The following FAF1 variants were observed in gnomAD, a reference collection of about 807,000 sequenced individuals.
FAF1 encodes the protein Fas associated factor 1.
In FAF1, 25 loss-of-function variants were observed where a neutral mutation model predicts 92.5. The ratio of observed to expected loss-of-function variants is 0.27; its 90% confidence interval spans 0.20 to 0.38. FAF1 has a LOEUF of 0.38. FAF1 is among the 10% of genes least tolerant of loss of function. The probability of loss-of-function intolerance (pLI) is 1.00; values close to 1 mark genes in which losing one functional copy is unlikely to be tolerated. For missense variants in FAF1, 636 were observed against 793.3 expected (o/e 0.80, Z 2.38); for synonymous variants, 234 against 273.2 (o/e 0.86, Z 1.42).
intron 4 of FAF1, among the ~76,000 whole-genome samples, 182 bp from the exon 5 acceptor site, chr1:50,744,957 G>A (rs1317272722): frequency 6.6e-6 from 1 of 152,144 alleles, no homozygotes; most frequent in Non-Finnish European, 1.5e-5. Flanking sequence ...CTTAGGATCT[G>A]AGGATGACAA....
chr1:50,824,628 G>A (rs1431799266), intron 2 of FAF1, among the ~76,000 whole-genome samples: 1 of 152,092 alleles, frequency 6.6e-6, no homozygotes, highest in Non-Finnish European at 1.5e-5. Flanking sequence ...TACATCCAAA[G>A]AAGAGATAGT....
intron 17 of FAF1, among the ~76,000 whole-genome samples, chr1:50,480,051 T>C (rs777709528): frequency 1.2e-4 from 18 of 152,244 alleles, no homozygotes; most frequent in Non-Finnish European, 2.5e-4. Flanking sequence ...AAACTTCAGT[T>C]TGATTTGCTC....
At chr1:50,476,434 C>T (rs997262822) in intron 17 of FAF1, among the ~76,000 whole-genome samples, 1 of 152,164 alleles carries the variant, frequency 6.6e-6, no homozygotes, top group African/African-American at 2.4e-5. Flanking sequence ...GGACCAAACC[C>T]TTCATTTGAC....
At chr1:50,572,820 A>G (rs936256024) in intron 12 of FAF1, among the ~76,000 whole-genome samples, 6 of 152,234 alleles carry the variant, frequency 3.9e-5, no homozygotes, top group African/African-American at 1.4e-4. Flanking sequence ...GGTTCTAGGC[A>G]TGAACATCAG....
At chr1:50,544,655 A>G (rs894355432) in intron 13 of FAF1, among the ~76,000 whole-genome samples, 1 of 152,216 alleles carries the variant, frequency 6.6e-6, no homozygotes, top group Admixed American at 6.5e-5. Flanking sequence ...CTTCATTTGT[A>G]TGGGTAAACT....
chr1:50,551,252 T>G (rs1163847829), intron 13 of FAF1, among the ~76,000 whole-genome samples: 1 of 151,968 alleles, frequency 6.6e-6, no homozygotes, highest in Non-Finnish European at 1.5e-5. Context: ...AGAGGGAAAA[T>G]AAGAGGAGCA....
intron 1 of FAF1, among the ~76,000 whole-genome samples, chr1:50,890,160 T>C (rs1413834373): frequency 6.6e-6 from 1 of 152,212 alleles, no homozygotes; most frequent in East Asian, 1.9e-4. Context: ...TAAAGTCTGT[T>C]TTATCAGAGA....
intron 1 of FAF1, among the ~76,000 whole-genome samples, chr1:50,886,810 G>C (rs907777087): frequency 2.0e-5 from 3 of 152,076 alleles, no homozygotes; most frequent in African/African-American, 7.2e-5. Flanking sequence ...CCAAGTCTTT[G>C]CTATTGTGAA....
Position 50,601,042 on chromosome 1 carries a change from T to C in FAF1, c.745-4826A>G, listed in dbSNP as rs569078016. 8.5e-5 allele frequency among the ~76,000 whole-genome samples: 13 copies of C among 152,338 alleles called. No individual in the cohort carries two copies. In the South Asian group the frequency reaches 2.7e-3, roughly 32 times the overall value. The stretch of plus-strand genomic sequence containing the variant: ...CAAAAAGCTGTGAACTGCTGAACTA[T>C]GTAATGTGTACATATGCAACTAATT... On this transcript the variant is annotated intron_variant, in intron 8 of 18. Coordinates refer to ENST00000396153, the MANE Select transcript of FAF1 (RefSeq NM_007051.3).
chr1:50,635,959 T>C (rs973390555), intron 8 of FAF1, among the ~76,000 whole-genome samples: 23 of 152,294 alleles, frequency 1.5e-4, no homozygotes, highest in African/African-American at 5.1e-4. Flanking sequence ...TAAATGCAAT[T>C]ATAGGATAAA....
intron 4 of FAF1, among the ~76,000 whole-genome samples, chr1:50,768,168 C>T (rs375817595): frequency 6.6e-6 from 1 of 152,036 alleles, no homozygotes; most frequent in African/African-American, 2.4e-5. Flanking sequence ...ACAAAACACA[C>T]CTTAAACCAA....
At chr1:50,640,980 C>T (rs1037992538) in intron 8 of FAF1, among the ~76,000 whole-genome samples, 3 of 151,690 alleles carry the variant, frequency 2.0e-5, no homozygotes, top group Non-Finnish European at 2.9e-5. Context: ...ACTACATGTG[C>T]GCACCACCAT....
intron 7 of FAF1, among the ~76,000 whole-genome samples, chr1:50,694,056 A>G: frequency 6.6e-6 from 1 of 151,384 alleles, no homozygotes; most frequent in Middle Eastern, 3.4e-3. Context: ...CATGTATGAC[A>G]TATATATGAC....
intron 15 of FAF1, among the ~76,000 whole-genome samples, chr1:50,527,123 TGGGATTACA>T (rs1647852897): frequency 6.6e-6 from 1 of 152,158 alleles, no homozygotes; most frequent in Non-Finnish European, 1.5e-5. Context: ...ACCAAAGTGC[TGGGATTACA>T]GGAGTGAGCC....
At chr1:50,514,370 G>A (rs1348160920) in intron 15 of FAF1, among the ~76,000 whole-genome samples, 4 of 152,122 alleles carry the variant, frequency 2.6e-5, no homozygotes, top group Non-Finnish European at 5.9e-5. Flanking sequence ...TCTGCTAAAT[G>A]GATTTGTCTG....
chr1:50,938,368 G>A (rs1645103723), intron 1 of FAF1, among the ~76,000 whole-genome samples: 1 of 152,184 alleles, frequency 6.6e-6, no homozygotes, highest in Non-Finnish European at 1.5e-5. Context: ...CCTAGGACCA[G>A]CTATGTATGT....
intron 8 of FAF1, among the ~76,000 whole-genome samples, chr1:50,651,039 A>G: frequency 6.6e-6 from 1 of 152,206 alleles, no homozygotes; most frequent in East Asian, 1.9e-4. Flanking sequence ...AATGTTGTAA[A>G]TGAGTGTTGA....
intron 2 of FAF1, among the ~76,000 whole-genome samples, chr1:50,830,398 T>C (rs1399593128): frequency 2.6e-5 from 4 of 152,198 alleles, no homozygotes; most frequent in East Asian, 1.9e-4. Context: ...GCGTGAGCCA[T>C]TGCGCCCAGC....
At chr1:50,549,085 A>T (rs1649167672) in intron 13 of FAF1, among the ~76,000 whole-genome samples, 1 of 152,194 alleles carries the variant, frequency 6.6e-6, no homozygotes, top group Non-Finnish European at 1.5e-5. Flanking sequence ...CACCAATCTC[A>T]GACTCAGATC....
Sources: gnomAD v4.1 joint callset for allele counts (sites outside exome capture counted in the v4.1 genomes callset) on GRCh38, gnomAD v4.1.1 for gene constraint, MANE v1.5 for transcripts, NCBI Gene and HGNC (gene_info 2026-07-23, HGNC 2026-07-21) for gene names.